Variants in DYNC1LI2 observed in about 807,000 individuals in gnomAD.
The protein encoded by DYNC1LI2 is cytoplasmic dynein 1 light intermediate chain 2.
A neutral mutation model predicts 57.8 loss-of-function variants in DYNC1LI2; 19 were observed. The ratio of observed to expected loss-of-function variants is 0.33; its 90% CI spans 0.23 to 0.48. The LOEUF (loss-of-function observed/expected upper bound fraction) is 0.48, where lower values mean the gene tolerates loss of function less well. Ranked by LOEUF, DYNC1LI2 falls within the 20% of genes least tolerant of loss-of-function variation. The pLI, the probability that DYNC1LI2 is intolerant of heterozygous loss-of-function variation, is 0.99. For synonymous variants in DYNC1LI2, 256 were observed against 233.4 expected (o/e 1.10, Z -0.88); for missense variants, 470 against 604.2 (o/e 0.78, Z 2.33).
intron 9 of DYNC1LI2, 88 bp downstream of exon 9, chr16:66,728,952 C>A: frequency 7.3e-7 from 1 of 1,376,748 alleles, no homozygotes; most frequent in Non-Finnish European, 1.0e-6. Context: ...TTTGTGACTT[C>A]CCACATGCAG....
At chr16:66,738,486 G>A (rs984076793) in intron 4 of DYNC1LI2, among the ~76,000 whole-genome samples, 7 of 151,518 alleles carry the variant, frequency 4.6e-5, no homozygotes, top group African/African-American at 1.5e-4. Flanking sequence ...TCCTGACCTT[G>A]TGATCCACCC....
chr16:66,723,876 A>T, intron 12 of DYNC1LI2, 54 bp from the exon 13 acceptor site: 1 of 1,480,704 alleles, frequency 6.8e-7, no homozygotes, highest in East Asian at 2.3e-5. Flanking sequence ...AGAGGAAACA[A>T]TTTTTTTTAA....
chr16:66,746,938 A>G (rs898805653), intron 3 of DYNC1LI2, among the ~76,000 whole-genome samples: 5 of 152,190 alleles, frequency 3.3e-5, no homozygotes, highest in Admixed American at 3.3e-4. Flanking sequence ...CACACTGTCC[A>G]AAAAAGGAAG....
intron 2 of DYNC1LI2, among the ~76,000 whole-genome samples, chr16:66,750,032 A>G (rs545967818): frequency 6.6e-6 from 1 of 152,354 alleles, no homozygotes; most frequent in Non-Finnish European, 1.5e-5. Flanking sequence ...ATTGAAAGGC[A>G]GTCAGTCCAC....
At chr16:66,726,609 CGTAA>C (rs1166932596) in intron 11 of DYNC1LI2, among the ~76,000 whole-genome samples, 3 of 152,182 alleles carry the variant, frequency 2.0e-5, no homozygotes, top group Admixed American at 6.5e-5. Flanking sequence ...GCCTCGGCAA[CGTAA>C]GTGAGACCCC....
At chr16:66,743,821 A>C (rs1404062546) in intron 3 of DYNC1LI2, among the ~76,000 whole-genome samples, 2 of 152,200 alleles carry the variant, frequency 1.3e-5, no homozygotes, top group African/African-American at 4.8e-5. Context: ...GTGAAGATAA[A>C]ATCATCACTT....
At position 66,722,711 on chromosome 16, in the gene DYNC1LI2, C is replaced by A. The variant is rs929629123; in HGVS notation, c.*1011G>T. 6.5e-6 allele frequency: 1 copy of A among 152,982 alleles called. No individual in the cohort carries two copies. Among genetic ancestry groups the A allele is most frequent in the Non-Finnish European group, 1.5e-5 (1 of 68,374 alleles). 9.5% of individuals were successfully genotyped at this position (152,982 alleles called of 1,614,324 possible). A position where few individuals can be genotyped will look rare whatever the true frequency, so the allele number is the denominator to read the frequency against. On this transcript the variant is annotated 3_prime_UTR_variant, in exon 13 of 13. Coordinates refer to ENST00000258198, the MANE Select transcript of DYNC1LI2 (RefSeq NM_006141.3). ...ACAAGTCATAAGGCAGGGCTTGGTA[C>A]GAGCCAATTAACCAGAGTGCAATTA... is the stretch of plus-strand genomic sequence containing the variant.
Position 66,749,311 on chromosome 16 carries a change from C to T in DYNC1LI2, c.184G>A (p.Glu62Lys), listed in dbSNP as rs776992732. Residue 62 changes from glutamate (E) to lysine (K), a missense_variant and splice_region_variant, in exon 3 of 13, where the codon GAA becomes AAA. Transcript: ENST00000258198. Reference sequence around the variant, plus strand: ...AGGGTTGTTTTACCAGAACCATCTTCACCTACAAAGGATGTTTGCAAGACA... The same window carrying T: ...AGGGTTGTTTTACCAGAACCATCTTTACCTACAAAGGATGTTTGCAAGACA... Reference protein sequence around the residue: ...PSGKNILVFGEDGSGKTTLMT... With the variant: ...PSGKNILVFGKDGSGKTTLMT... 58 of 1,614,058 alleles carry T rather than the reference C, an allele frequency of 3.6e-5. No homozygotes were observed. The highest frequency in any genetic ancestry group is 4.7e-5 in the Non-Finnish European group (55 of 1,179,998).
chr16:66,751,185 T>C lies in DYNC1LI2; in HGVS notation c.181+88A>G. 1 of 1,437,114 alleles carries C rather than the reference T, an allele frequency of 7.0e-7. No homozygotes were observed. The highest frequency in any genetic ancestry group is 9.4e-7 in the Non-Finnish European group (1 of 1,064,256). 89.0% of individuals were successfully genotyped at this position (1,437,114 alleles called of 1,614,324 possible). A position where few individuals can be genotyped will look rare whatever the true frequency, so the allele number is the denominator to read the frequency against. On this transcript the variant is annotated intron_variant, in intron 2 of 12. Transcript: ENST00000258198. This position sits in a 1 kb window ranked among gnomAD's most constrained non-coding sequence, Gnocchi z 5.2. The stretch of plus-strand genomic sequence containing the variant: ...TCCCGCCAGGCTGCGGGCAGGCGGC[T>C]GGAACGGGGAAGGCGGGGACCTGAG...
intron 3 of DYNC1LI2, among the ~76,000 whole-genome samples, chr16:66,744,727 T>G (rs544738221): frequency 6.6e-6 from 1 of 151,962 alleles, no homozygotes; most frequent in Non-Finnish European, 1.5e-5. Flanking sequence ...GCCTGGCTAA[T>G]TTTTGTATTT....
chr16:66,748,480 C>A (rs913374855), intron 3 of DYNC1LI2, among the ~76,000 whole-genome samples: 2 of 152,088 alleles, frequency 1.3e-5, no homozygotes, highest in African/African-American at 4.8e-5. Context: ...TTACTACTCA[C>A]GTTTTAAAGA....
intron 4 of DYNC1LI2, chr16:66,738,229 T>C (rs1349443390): frequency 6.6e-6 from 1 of 150,412 alleles, no homozygotes; most frequent in Non-Finnish European, 1.5e-5. Context: ...TGATATTTCA[T>C]CTCTACAGCT....
In DYNC1LI2 at chr16:66,729,138, A is replaced by T. The variant is rs750869749; in HGVS notation, c.1042-39T>A. 5.6e-6 allele frequency: 9 copies of T among 1,610,930 alleles called. No homozygotes were observed. In the South Asian group the frequency reaches 8.8e-5, roughly 16 times the overall value. On this transcript the variant is annotated intron_variant, in intron 8 of 12. Coordinates refer to ENST00000258198, the MANE Select transcript of DYNC1LI2 (RefSeq NM_006141.3). ...TACATGTTTGTGGCCACAGGCCAAG[A>T]ATACTCCTAACCACTGTCAAACTTC...
At chr16:66,730,332 T>C in intron 7 of DYNC1LI2, 109 bp from the exon 8 acceptor site, 1 of 901,382 alleles carries the variant, frequency 1.1e-6, no homozygotes, top group African/African-American at 1.7e-5. Context: ...AGATATAGTG[T>C]GTAGTTGTTG....
Position 66,751,558 on chromosome 16 carries a change from G to A in DYNC1LI2, c.34C>T (p.Leu12=), listed in dbSNP as rs753217839. 5.7e-6 allele frequency: 9 copies of A among 1,585,110 alleles called. No individual in the cohort carries two copies. Among genetic ancestry groups the A allele is most frequent in the East Asian group, 2.4e-5 (1 of 40,820 alleles). The change falls in exon 1 of 13, where the codon CTA becomes TTA. Residue 12 remains leucine, a synonymous_variant. Coordinates refer to ENST00000258198, the MANE Select transcript of DYNC1LI2 (RefSeq NM_006141.3). The surrounding 1 kb of genome is among the most constrained non-coding windows in gnomAD (Gnocchi z 5.2). ...APVGVEKKLL[L]GPNGPAVAAA... ...GCCACCGCGGGCCCGTTGGGACCTA[G>A]CAGCAGCTTCTTCTCCACCCCCACC...
chr16:66,737,157 G>C (rs2017748416), intron 4 of DYNC1LI2, among the ~76,000 whole-genome samples: 2 of 152,136 alleles, frequency 1.3e-5, no homozygotes, highest in Non-Finnish European at 2.9e-5. Flanking sequence ...TGTAGTCCCA[G>C]CTACTTGGGG....
At chr16:66,734,993 G>A (rs1467640335) in intron 5 of DYNC1LI2, among the ~76,000 whole-genome samples, 4 of 42,260 alleles carry the variant, frequency 9.5e-5, no homozygotes, top group South Asian at 1.1e-3. Context: ...GTGAAACTCC[G>A]TCTCAAAAAA....
At position 66,723,182 on chromosome 16, in the gene DYNC1LI2, T is replaced by C. The variant is rs140699046; in HGVS notation, c.*540A>G. The C allele has an allele frequency of 1.3e-4, 46 of 347,618 alleles. No homozygotes were observed. In the East Asian group the frequency reaches 3.2e-3, roughly 24 times the overall value. The allele number at this position is 347,618 out of a possible 1,614,324, so 21.5% of individuals were successfully genotyped here. Reference sequence around the variant, plus strand: ...TGCTTCTAACAATGATTCTTCAACTTCTACTGAATGCACAGTATTTACTGA... The same window carrying C: ...TGCTTCTAACAATGATTCTTCAACTCCTACTGAATGCACAGTATTTACTGA... On this transcript the variant is annotated 3_prime_UTR_variant, in exon 13 of 13. Coordinates refer to ENST00000258198, the MANE Select transcript of DYNC1LI2 (RefSeq NM_006141.3).
chr16:66,740,146 TAGGGGATGCTTTCCCTTTCACTC>T (rs1338543921), intron 4 of DYNC1LI2, among the ~76,000 whole-genome samples: 1 of 152,190 alleles, frequency 6.6e-6, no homozygotes, highest in Non-Finnish European at 1.5e-5. Flanking sequence ...CTGGTGGCTA[TAGGGGATGCTTTCCCTTTCACTC>T]AGATGATCCC....
Sources: gnomAD v4.1 joint callset for allele counts (sites outside exome capture counted in the v4.1 genomes callset) on GRCh38, gnomAD v4.1.1 for gene constraint, Gnocchi (gnomAD v3.1) non-coding constraint, MANE v1.5 for transcripts, NCBI Gene and HGNC (gene_info 2026-07-23, HGNC 2026-07-21) for gene names.